The following SEPSECS variants were observed in gnomAD, a reference collection of about 807,000 sequenced individuals.
SEPSECS encodes the protein Sep (O-phosphoserine) tRNA:Sec (selenocysteine) tRNA synthase, also known as O-phosphoseryl-tRNA(Sec) selenium transferase.
A neutral mutation model predicts 52.1 loss-of-function variants in SEPSECS; 42 were observed. The ratio of observed to expected loss-of-function variants is 0.81; its 90% confidence interval spans 0.63 to 1.04. The LOEUF (loss-of-function observed/expected upper bound fraction) is 1.04, where lower values mean the gene tolerates loss of function less well. SEPSECS is among the 50% of genes least tolerant of loss of function. The pLI is 0.00. For missense variants in SEPSECS, 590 were observed against 610.6 expected, an observed-to-expected ratio of 0.97 and a Z score of 0.36; for synonymous variants, 216 against 211.4, an observed-to-expected ratio of 1.02 and a Z score of -0.19.
rs1423973169 is a variant in SEPSECS, at chr4:25,120,443, C to G, written c.*3488G>C. 3 of 152,270 alleles carry G rather than the reference C, an allele frequency of 2.0e-5. No homozygotes were observed. The highest frequency in any genetic ancestry group is 7.2e-5 in the African/African-American group (3 of 41,580). The allele number at this position is 152,270 out of a possible 1,614,324, so 9.4% of individuals were successfully genotyped here. On this transcript the variant is annotated 3_prime_UTR_variant, in exon 11 of 11. Transcript: ENST00000382103. Reference sequence around the variant, plus strand: ...GTTTACTAAGATTGGCCATAAGAGACATTAACCAACATAATATGACAGACA... The same window carrying G: ...GTTTACTAAGATTGGCCATAAGAGAGATTAACCAACATAATATGACAGACA...
intron 6 of SEPSECS, among the ~76,000 whole-genome samples, chr4:25,148,123 C>A (rs186071758): frequency 1.3e-5 from 2 of 152,014 alleles, no homozygotes; most frequent in African/African-American, 2.4e-5. Context: ...GAGGCCAAGG[C>A]GGGTGGATCA....
At chr4:25,159,969 A>G (rs1341825898) in intron 1 of SEPSECS, 1 of 985,266 alleles carries the variant, frequency 1.0e-6, no homozygotes, top group African/African-American at 1.7e-5. Flanking sequence ...ATAAAAAAGT[A>G]CACTGGGACT....
Position 25,124,329 on chromosome 4 carries a change from C to T in SEPSECS, c.1212-104G>A, listed in dbSNP as rs539005373. ...TACAAAGCCTTACATCCACTTATTA[C>T]GAAGTTTAAAACAGCCACAAATCAT... On this transcript the variant is annotated intron_variant, in intron 10 of 10. Transcript: ENST00000382103. The T allele has an allele frequency of 3.3e-5, 37 of 1,127,958 alleles. 1 individual carries two copies. Among genetic ancestry groups the T allele is most frequent in the Admixed American group, 6.3e-5 (3 of 47,438 alleles). 69.9% of individuals were successfully genotyped at this position (1,127,958 alleles called of 1,614,324 possible).
rs1206324928 is a variant in SEPSECS at position 25,160,399 on chromosome 4, G to C, written c.-30C>G. 1 of 1,521,880 alleles carries C rather than the reference G, an allele frequency of 6.6e-7. No individual in the cohort carries two copies. The highest frequency in any genetic ancestry group is 1.4e-5 in the African/African-American group (1 of 72,330). 94.3% of individuals were successfully genotyped at this position (1,521,880 alleles called of 1,614,324 possible). On this transcript the variant is annotated 5_prime_UTR_variant, in exon 1 of 11. Transcript: ENST00000382103. Reference sequence around the variant, plus strand: ...GCGGTGGCGACAGTGGCGAATAAGCGGGAGCACTAGCTCCACACGCCAGAC... The same window carrying C: ...GCGGTGGCGACAGTGGCGAATAAGCCGGAGCACTAGCTCCACACGCCAGAC...
At chr4:25,134,124 CAAAAA>C (rs34672005) in intron 8 of SEPSECS, among the ~76,000 whole-genome samples, 4 of 13,178 alleles carry the variant, frequency 3.0e-4, no homozygotes, top group Non-Finnish European at 4.8e-4. Flanking sequence ...GACCCCATCT[CAAAAA>C]AAAAAAAAAA....
Position 25,121,471 on chromosome 4 carries a change from C to T in SEPSECS, c.*2460G>A, listed in dbSNP as rs773844487. ...TTGGTAATGTATCATCCACTGCCTT[C>T]GTCACAGTACAAAGATAACAAAGGC... On this transcript the variant is annotated 3_prime_UTR_variant, in exon 11 of 11. Coordinates refer to ENST00000382103, the MANE Select transcript of SEPSECS (RefSeq NM_016955.4). 6.6e-6 allele frequency: 1 copy of T among 152,102 alleles called. No individual in the cohort carries two copies. Among genetic ancestry groups the T allele is most frequent in the Non-Finnish European group, 1.5e-5 (1 of 67,986 alleles). 9.4% of individuals were successfully genotyped at this position (152,102 alleles called of 1,614,324 possible).
At chr4:25,135,247 TAA>T (rs869095335) in intron 8 of SEPSECS, among the ~76,000 whole-genome samples, 1 of 119,296 alleles carries the variant, frequency 8.4e-6, no homozygotes, top group Non-Finnish European at 1.8e-5. Context: ...GAAAAACCGT[TAA>T]AAAAAAAAAA....
At chr4:25,159,755 G>C (rs964522806) in intron 1 of SEPSECS, 37 of 1,026,766 alleles carry the variant, frequency 3.6e-5, no homozygotes, top group Non-Finnish European at 4.3e-5. Flanking sequence ...CTGGGCGAAA[G>C]AGCGAGACTC....
Position 25,156,922 on chromosome 4 carries a change from C to T in SEPSECS, c.322G>A (p.Ala108Thr), listed in dbSNP as rs1560336849. The change falls in exon 3 of 11, where the codon GCT (alanine) becomes ACT (threonine). Residue 108 changes from alanine to threonine, a missense_variant. By Grantham distance (58) the Ala-to-Thr change is moderately conservative. Transcript: ENST00000382103. ...TTGTTCAAAAGGCTAGAGCCTGCAGCTTTTGGTTGCACAGCAGAAATATCA... is the reference window on the plus strand; with the variant it reads ...TTGTTCAAAAGGCTAGAGCCTGCAGTTTTTGGTTGCACAGCAGAAATATCA... ...SGDISAVQPK[A>T]AGSSLLNKIT... 2 of 1,613,602 alleles carry T rather than the reference C, an allele frequency of 1.2e-6. No homozygotes were observed. Among genetic ancestry groups the T allele is most frequent in the Non-Finnish European group, 1.7e-6 (2 of 1,179,730 alleles).
chr4:25,129,491 T>C (rs919402624), intron 8 of SEPSECS, among the ~76,000 whole-genome samples: 1 of 151,056 alleles, frequency 6.6e-6, no homozygotes, highest in Admixed American at 6.6e-5. Context: ...GGCATGGTGG[T>C]GTGAGCCTGT....
chr4:25,128,547 G>A lies in SEPSECS; in HGVS notation c.1027-1190C>T, dbSNP rs1485261886. 9.2e-5 allele frequency among the ~76,000 whole-genome samples: 14 copies of A among 152,058 alleles called. No homozygotes were observed. The South Asian group carries it at 1.9e-3, about 20-fold the overall frequency. On this transcript the variant is annotated intron_variant, in intron 8 of 10. Coordinates refer to ENST00000382103, the MANE Select transcript of SEPSECS (RefSeq NM_016955.4). ...CAATAGTAGAAAATATAATAAAAAT[G>A]TATTTTACAAGTATCAAATGTCACA... is the stretch of plus-strand genomic sequence containing the variant.
chr4:25,145,610 A>G (rs968312170), intron 6 of SEPSECS, among the ~76,000 whole-genome samples: 1 of 152,204 alleles, frequency 6.6e-6, no homozygotes, highest in Non-Finnish European at 1.5e-5. Context: ...TTGATAAGAA[A>G]GAATGGATTC....
chr4:25,129,622 C>G (rs1196597585), intron 8 of SEPSECS, among the ~76,000 whole-genome samples: 2 of 151,592 alleles, frequency 1.3e-5, no homozygotes, highest in Non-Finnish European at 2.9e-5. Context: ...AACTCCTGAC[C>G]TCAGGTGATC....
At chr4:25,137,191 C>A (rs1304671263) in intron 8 of SEPSECS, among the ~76,000 whole-genome samples, 1 of 152,102 alleles carries the variant, frequency 6.6e-6, no homozygotes, top group Non-Finnish European at 1.5e-5. Context: ...AAAGCAATTG[C>A]AACAAAAGCA....
At chr4:25,155,960 AT>A in intron 4 of SEPSECS, 76 bp downstream of exon 4, 1 of 1,359,924 alleles carries the variant, frequency 7.4e-7, no homozygotes, top group Non-Finnish European at 1.0e-6. Flanking sequence ...TTTATTTTTC[AT>A]TTATCTATCT....
rs80276421 is a variant in SEPSECS, at chr4:25,158,271, G to C, written c.269+682C>G. Among the ~76,000 whole-genome samples, 882 of 152,196 alleles carry C rather than the reference G, an allele frequency of 5.8e-3. 4 individuals carry two copies. Among genetic ancestry groups the C allele is most frequent in the African/African-American group, 0.02 (839 of 41,528 alleles). On this transcript the variant is annotated intron_variant, in intron 2 of 10. Coordinates refer to ENST00000382103, the MANE Select transcript of SEPSECS (RefSeq NM_016955.4). ...GTTTTTACTGAAATACAAATTCTACGATGCCCAGGAAATTTTCATTATAAT... is the reference window on the plus strand; with the variant it reads ...GTTTTTACTGAAATACAAATTCTACCATGCCCAGGAAATTTTCATTATAAT...
chr4:25,151,782 G>A (rs2109028750), intron 6 of SEPSECS, among the ~76,000 whole-genome samples, 178 bp downstream of exon 6: 2 of 152,208 alleles, frequency 1.3e-5, no homozygotes, highest in Middle Eastern at 6.8e-3. Context: ...TATCACCACA[G>A]TATCAAAGAA....
rs146525049 is a variant in SEPSECS at position 25,159,342 on chromosome 4, CTGAGA to C, written c.115-240_115-236del. On this transcript the variant is annotated intron_variant, in intron 1 of 10. Transcript: ENST00000382103. ...TGATAAATGCATACAATGAGGTTTA[CTGAGA>C]TATTTAAATTTCCGTAAGTGAAACT... is the stretch of plus-strand genomic sequence containing the variant. Among the ~76,000 whole-genome samples, 618 of 152,266 alleles carry C rather than the reference CTGAGA, an allele frequency of 4.1e-3. 4 individuals are homozygous for C. Among genetic ancestry groups the C allele is most frequent in the African/African-American group, 0.014 (596 of 41,548 alleles).
At chr4:25,131,995 T>A (rs543925557) in intron 8 of SEPSECS, among the ~76,000 whole-genome samples, 4 of 152,310 alleles carry the variant, frequency 2.6e-5, no homozygotes, top group African/African-American at 7.2e-5. Flanking sequence ...ACCTCTTTTT[T>A]AAAAGGGGTT....
Sources: allele counts gnomAD v4.1 joint callset (sites outside exome capture counted in the v4.1 genomes callset), GRCh38; gene constraint gnomAD v4.1.1; transcripts MANE v1.5; gene names NCBI Gene and HGNC (gene_info 2026-07-23, HGNC 2026-07-21).